UTRN: variants seen among roughly 807,000 people sequenced by gnomAD.
UTRN encodes the protein utrophin.
A neutral mutation model predicts 463.9 loss-of-function variants in UTRN; 283 were observed. The ratio of observed to expected loss-of-function variants is 0.61; its 90% CI spans 0.55 to 0.67. The LOEUF is 0.67. Ranked by LOEUF, UTRN falls within the 30% of genes least tolerant of loss-of-function variation. The pLI, the probability that UTRN is intolerant of heterozygous loss-of-function variation, is 0.00. For synonymous variants in UTRN, 1,442 were observed against 1,431.5 expected (o/e 1.01, Z -0.17); for missense variants, 3,922 against 4,084.3 (o/e 0.96, Z 1.08).
chr6:144,685,576 A>G (rs536023204), intron 52 of UTRN, among the ~76,000 whole-genome samples: 2 of 152,288 alleles, frequency 1.3e-5, no homozygotes, highest in Admixed American at 6.5e-5. Context: ...GTAAGGTGGT[A>G]TCTCATTGTG....
At position 144,296,226 on chromosome 6, in the gene UTRN, C is replaced by T. The variant is rs187753378; in HGVS notation, c.79+4319C>T. Among the ~76,000 whole-genome samples, 384 of 152,234 alleles carry T rather than the reference C, an allele frequency of 2.5e-3. 8 individuals carry two copies. In the South Asian group the frequency reaches 0.038, roughly 15 times the overall value. On this transcript the variant is annotated intron_variant, in intron 2 of 74. Transcript: ENST00000367545. ...TGAGTGGTGGCTGAGCAAGCACTAC[C>T]GCCTGAGCTCTGCCTCCTGTCAGAT...
intron 65 of UTRN, among the ~76,000 whole-genome samples, chr6:144,818,547 A>G (rs761475419): frequency 6.6e-6 from 1 of 152,224 alleles, no homozygotes; most frequent in Non-Finnish European, 1.5e-5. Context: ...ATTGCTAGGT[A>G]TGGAGTTTAC....
At position 144,531,121 on chromosome 6, in the gene UTRN, A is replaced by G. The variant is rs368842681; in HGVS notation, c.5976A>G (p.Ile1992Met). Residue 1992 changes from isoleucine (I) to methionine (M), a missense_variant, in exon 42 of 75, where the codon ATA becomes ATG. Ile to Met is a conservative substitution (Grantham distance 10). This residue lies in a region of UTRN where 2,349 missense variants were observed against 2,303.8 expected (regional missense o/e 1.02). Transcript: ENST00000367545. ...HCDLNDLTQWITEAEELLVDT... is the reference protein window; with the variant it reads ...HCDLNDLTQWMTEAEELLVDT... ...ACCTTAATGACCTCACACAGTGGATAACAGAGGCTGAAGAATTACTGGTTG... is the reference window on the plus strand; with the variant it reads ...ACCTTAATGACCTCACACAGTGGATGACAGAGGCTGAAGAATTACTGGTTG... 1 of 1,613,972 alleles carries G rather than the reference A, an allele frequency of 6.2e-7. No homozygotes were observed. The highest frequency in any genetic ancestry group is 1.3e-5 in the African/African-American group (1 of 74,920).
intron 72 of UTRN, among the ~76,000 whole-genome samples, chr6:144,840,360 G>A (rs1266904327): frequency 6.6e-6 from 1 of 151,998 alleles, no homozygotes; most frequent in African/African-American, 2.4e-5. Flanking sequence ...AAAGAAAGGA[G>A]GACAGAAAAA....
At chr6:144,305,274 G>GTA (rs1175513223) in intron 2 of UTRN, among the ~76,000 whole-genome samples, 1 of 152,140 alleles carries the variant, frequency 6.6e-6, no homozygotes, top group Admixed American at 6.5e-5. Context: ...GAATGGTACT[G>GTA]TATATAAAGC....
chr6:144,433,075 A>G (rs898799232), intron 9 of UTRN, among the ~76,000 whole-genome samples: 148 of 152,280 alleles, frequency 9.7e-4, no homozygotes, highest in African/African-American at 3.3e-3. Context: ...AAAGTCTCCC[A>G]TGTCTCCTTC....
intron 23 of UTRN, among the ~76,000 whole-genome samples, chr6:144,467,384 T>A (rs1218423119): frequency 1.3e-5 from 2 of 152,192 alleles, no homozygotes; most frequent in African/African-American, 4.8e-5. Context: ...AATGTGTGTC[T>A]CTCTTCCCAC....
chr6:144,375,929 C>G (rs1209838842), intron 2 of UTRN, among the ~76,000 whole-genome samples: 1 of 152,142 alleles, frequency 6.6e-6, no homozygotes, highest in Admixed American at 6.5e-5. Context: ...TTTCTTCCCC[C>G]CCACATAGGG....
intron 65 of UTRN, among the ~76,000 whole-genome samples, chr6:144,806,330 T>G (rs1020547153): frequency 5.9e-5 from 9 of 152,184 alleles, no homozygotes; most frequent in Non-Finnish European, 1.3e-4. Context: ...ATTTCCAAGA[T>G]TGCAGCTTAT....
chr6:144,415,201 A>G (rs1227970083), intron 3 of UTRN, among the ~76,000 whole-genome samples: 2 of 152,162 alleles, frequency 1.3e-5, no homozygotes, highest in Non-Finnish European at 2.9e-5. Flanking sequence ...GTTTGTGTAA[A>G]TATACTCTAT....
At chr6:144,583,794 T>G (rs1802205869) in intron 51 of UTRN, among the ~76,000 whole-genome samples, 1 of 152,212 alleles carries the variant, frequency 6.6e-6, no homozygotes, top group African/African-American at 2.4e-5. Context: ...TTTTAGTACA[T>G]AGTTTCTTTT....
intron 51 of UTRN, among the ~76,000 whole-genome samples, chr6:144,595,396 C>T (rs1303782950): frequency 6.6e-6 from 1 of 152,206 alleles, no homozygotes; most frequent in African/African-American, 2.4e-5. Flanking sequence ...AAAACAGTGA[C>T]TAACTCAAAC....
chr6:144,627,928 T>A (rs2128652177), intron 51 of UTRN, among the ~76,000 whole-genome samples: 1 of 151,578 alleles, frequency 6.6e-6, no homozygotes, highest in South Asian at 2.1e-4. Flanking sequence ...GCCTCCTGAG[T>A]AGCTGGGATT....
chr6:144,554,835 T>C lies in UTRN; in HGVS notation c.7076T>C (p.Leu2359Pro). The C allele has an allele frequency of 6.2e-7, 1 of 1,614,032 alleles. No individual in the cohort carries two copies. Among genetic ancestry groups the C allele is most frequent in the Non-Finnish European group, 8.5e-7 (1 of 1,179,976 alleles). ...EELMRKYEAR[L>P]YILQQARRDP... ...CTGATGAGAAAATATGAGGCTCGAC[T>C]CTATATTCTTCAGCAAGCCCGACGG... The change falls in exon 49 of 75, where the codon CTC (leucine) becomes CCC (proline). Residue 2359 changes from leucine (L) to proline (P), a missense_variant. Around this residue, in one of 3 missense-constraint regions of UTRN, gnomAD observed 1,309 missense variants for 1,452.6 expected, o/e 0.90. Coordinates refer to ENST00000367545, the MANE Select transcript of UTRN (RefSeq NM_007124.3).
chr6:144,759,139 G>T lies in UTRN; in HGVS notation c.8495+1150G>T, dbSNP rs562849451. ...ATAATAAGCAATATACGTTACATTAGCTTATGGGAGTTTAATATTTTTATC... is the reference window on the plus strand; with the variant it reads ...ATAATAAGCAATATACGTTACATTATCTTATGGGAGTTTAATATTTTTATC... On this transcript the variant is annotated intron_variant, in intron 58 of 74. Coordinates refer to ENST00000367545, the MANE Select transcript of UTRN (RefSeq NM_007124.3). 2.6e-5 allele frequency among the ~76,000 whole-genome samples: 4 copies of T among 152,120 alleles called. No homozygotes were observed. The South Asian group carries it at 8.3e-4, about 32-fold the overall frequency.
intron 50 of UTRN, among the ~76,000 whole-genome samples, chr6:144,570,488 A>G (rs1372421862): frequency 1.3e-5 from 2 of 152,206 alleles, no homozygotes; most frequent in Admixed American, 1.3e-4. Flanking sequence ...CTAGTGAGCA[A>G]TGGAGCTTTG....
At chr6:144,604,054 G>A (rs968396989) in intron 51 of UTRN, among the ~76,000 whole-genome samples, 2 of 152,050 alleles carry the variant, frequency 1.3e-5, no homozygotes, top group South Asian at 4.1e-4. Flanking sequence ...AGATCCACTG[G>A]GCTTTAAAAT....
intron 51 of UTRN, among the ~76,000 whole-genome samples, chr6:144,586,270 A>G (rs1172278844): frequency 6.6e-6 from 1 of 152,062 alleles, no homozygotes; most frequent in African/African-American, 2.4e-5. Context: ...CCCTCCCACA[A>G]TCTATTTACA....
chr6:144,789,847 T>C (rs1311844038), intron 62 of UTRN, among the ~76,000 whole-genome samples: 1 of 152,172 alleles, frequency 6.6e-6, no homozygotes, highest in African/African-American at 2.4e-5. Flanking sequence ...ATATTTGGAT[T>C]TATCAAATAA....
Sources: gnomAD v4.1 joint callset for allele counts (sites outside exome capture counted in the v4.1 genomes callset) on GRCh38, gnomAD v4.1.1 for gene constraint, gnomAD v4.1.1 regional missense constraint, MANE v1.5 for transcripts, NCBI Gene and HGNC (gene_info 2026-07-23, HGNC 2026-07-21) for gene names.